The following STX3 variants were observed in gnomAD, a reference collection of about 807,000 sequenced individuals.
STX3 encodes syntaxin-3.
Under a neutral mutation model 40.2 loss-of-function variants are expected in STX3, and 19 were observed. That is an observed-to-expected ratio of 0.47 (90% CI 0.33 to 0.69). The LOEUF is 0.69. Among genes scored for constraint, STX3 ranks in the 30% least tolerant of loss-of-function variants. STX3 has a pLI of 0.02. For missense variants in STX3, 364 were observed against 366.7 expected (o/e 0.99, Z 0.06); for synonymous variants, 122 against 132.2 (o/e 0.92, Z 0.53).
At chr11:59,797,458 G>A in intron 10 of STX3, 62 bp downstream of exon 10, 1 of 1,267,908 alleles carries the variant, frequency 7.9e-7, no homozygotes, top group Non-Finnish European at 1.1e-6. Context: ...AATTAGCTTG[G>A]GATTTCAAAT....
At position 59,755,565 on chromosome 11, in the gene STX3, C is replaced by T. The variant is rs754862348; in HGVS notation, c.-41C>T. ...GAAGCGCTCACCTGGGACGCGCTCA[C>T]CTGGGACGCGCTACCTGCCTCCGGG... On this transcript the variant is annotated 5_prime_UTR_variant, in exon 1 of 11. Transcript: ENST00000337979. 6.3e-7 allele frequency: 1 copy of T among 1,592,120 alleles called. No individual in the cohort carries two copies. Among genetic ancestry groups the T allele is most frequent in the South Asian group, 1.1e-5 (1 of 90,788 alleles).
chr11:59,781,100 T>TTTTTTTTTTTTTTTA (rs963410109), intron 2 of STX3, among the ~76,000 whole-genome samples: 1 of 146,308 alleles, frequency 6.8e-6, no homozygotes, highest in East Asian at 2.0e-4. Flanking sequence ...TTTTTTTTTT[T>TTTTTTTTTTTTTTTA]TATATTAGCA....
intron 1 of STX3, among the ~76,000 whole-genome samples, chr11:59,767,363 T>C (rs1337643599): frequency 6.6e-6 from 1 of 152,224 alleles, no homozygotes; most frequent in African/African-American, 2.4e-5. Flanking sequence ...TTGCAGCTAC[T>C]GTAATGTTCC....
chr11:59,789,253 CTT>C (rs112275582), intron 4 of STX3: 1,142 of 213,226 alleles, frequency 5.4e-3, no homozygotes, highest in South Asian at 0.01. Context: ...ACTTGTCTCT[CTT>C]TTTTTTTTTT....
chr11:59,797,248 A>G (rs1459178355), intron 9 of STX3, 35 bp from the exon 10 acceptor site: 3 of 1,562,728 alleles, frequency 1.9e-6, no homozygotes, highest in Admixed American at 1.7e-5. Flanking sequence ...GTTGTTTGTA[A>G]TAATGATTTG....
At chr11:59,761,709 A>G (rs1433930638) in intron 1 of STX3, among the ~76,000 whole-genome samples, 2 of 152,014 alleles carry the variant, frequency 1.3e-5, no homozygotes, top group African/African-American at 2.4e-5. Flanking sequence ...CCCAGTCTCC[A>G]TCTGGAAACT....
chr11:59,763,834 A>G (rs754617577), intron 1 of STX3, among the ~76,000 whole-genome samples: 2 of 152,334 alleles, frequency 1.3e-5, no homozygotes, highest in East Asian at 1.9e-4. Flanking sequence ...CCTGGCCAAC[A>G]TGGCGGAAAC....
chr11:59,795,568 T>G, intron 9 of STX3, 86 bp downstream of exon 9: 1 of 1,548,116 alleles, frequency 6.5e-7, no homozygotes, highest in Non-Finnish European at 8.7e-7. Context: ...CTGTCTCTGT[T>G]TCTGCTGCCA....
intron 5 of STX3, 35 bp from the exon 6 acceptor site, chr11:59,792,072 A>G (rs2135014954): frequency 3.2e-6 from 5 of 1,545,930 alleles, no homozygotes; most frequent in Non-Finnish European, 3.6e-6. Context: ...TTACAGAACC[A>G]CTGGGGCCTG....
chr11:59,798,688 T>G (rs1320816108), intron 10 of STX3, among the ~76,000 whole-genome samples: 1 of 151,656 alleles, frequency 6.6e-6, no homozygotes, highest in Non-Finnish European at 1.5e-5. Context: ...CCCGGCTAAT[T>G]TTTGTATTTT....
rs559323227 is a variant in STX3 at position 59,792,043 on chromosome 11, G to C, written c.358-64G>C. ...TATTGTAGATGGCTATGTGGGGGTG[G>C]GGAGGGGTTCTATAACAGTTACAGA... On this transcript the variant is annotated intron_variant, in intron 5 of 10. Transcript: ENST00000337979. The C allele has an allele frequency of 1.3e-5, 17 of 1,284,498 alleles. No homozygotes were observed. In the East Asian group the frequency reaches 4.0e-4, roughly 30 times the overall value. 79.6% of individuals were successfully genotyped at this position (1,284,498 alleles called of 1,614,324 possible).
intron 9 of STX3, 80 bp downstream of exon 9, chr11:59,795,562 C>T (rs764038419): frequency 1.9e-6 from 3 of 1,548,934 alleles, no homozygotes; most frequent in Non-Finnish European, 2.6e-6. Context: ...CTCTCCCTGT[C>T]TCTGTTTCTG....
Position 59,764,251 on chromosome 11 carries a change from C to G in STX3, c.30+8616C>G, listed in dbSNP as rs369803824. 2.6e-5 allele frequency among the ~76,000 whole-genome samples: 4 copies of G among 152,176 alleles called. No individual in the cohort carries two copies. The East Asian group carries it at 5.8e-4, about 22-fold the overall frequency. ...ATTAGAATTGCATCTTTGCCAGAAA[C>G]TCTTAGCAAAAACAAGGCCCAATTT... is the stretch of plus-strand genomic sequence containing the variant. On this transcript the variant is annotated intron_variant, in intron 1 of 10. Coordinates refer to ENST00000337979, the MANE Select transcript of STX3 (RefSeq NM_004177.5).
chr11:59,764,054 G>A (rs566830594), intron 1 of STX3, among the ~76,000 whole-genome samples: 3 of 152,208 alleles, frequency 2.0e-5, no homozygotes, highest in Admixed American at 6.5e-5. Flanking sequence ...TCACAAGAGC[G>A]GTAAATATCA....
chr11:59,798,041 C>A (rs978698811), intron 10 of STX3, among the ~76,000 whole-genome samples: 1 of 152,174 alleles, frequency 6.6e-6, no homozygotes, highest in Non-Finnish European at 1.5e-5. Context: ...AATAACAGGG[C>A]CAAGTTCACA....
In STX3 at chr11:59,803,137, C is replaced by T. The variant is rs1213698824; in HGVS notation, c.*2313C>T. On this transcript the variant is annotated 3_prime_UTR_variant, in exon 11 of 11. Coordinates refer to ENST00000337979, the MANE Select transcript of STX3 (RefSeq NM_004177.5). The stretch of plus-strand genomic sequence containing the variant: ...CTTCCTTCACACCCTCTTCCATGTC[C>T]ACATGCACTTATCTCCCTGCAGAAT... 5.7e-6 allele frequency: 7 copies of T among 1,230,504 alleles called. No individual in the cohort carries two copies. The highest frequency in any genetic ancestry group is 7.1e-6 in the Non-Finnish European group (7 of 987,394). The allele number at this position is 1,230,504 out of a possible 1,614,324, so 76.2% of individuals were successfully genotyped here.
chr11:59,800,221 C>T (rs1308816913), intron 10 of STX3: 29 of 985,326 alleles, frequency 2.9e-5, no homozygotes, highest in South Asian at 1.9e-4. Context: ...TCTGGACTCT[C>T]CTCTTCCTCC....
intron 1 of STX3, among the ~76,000 whole-genome samples, chr11:59,758,532 T>C (rs1031400900): frequency 2.6e-5 from 4 of 152,250 alleles, no homozygotes; most frequent in Admixed American, 6.5e-5. Context: ...TCCTCTGTCT[T>C]GGCCTGCTGG....
chr11:59,803,171 C>T lies in STX3; in HGVS notation c.*2347C>T, dbSNP rs139028304. ...TTATCTCCCTGCAGAATACTTTTTG[C>T]GATGATGTTTCTCATGTATTCTTTC... is the stretch of plus-strand genomic sequence containing the variant. On this transcript the variant is annotated 3_prime_UTR_variant, in exon 11 of 11. Transcript: ENST00000337979. 1.2e-4 allele frequency: 152 copies of T among 1,231,404 alleles called. No homozygotes were observed. The highest frequency in any genetic ancestry group is 1.2e-3 in the East Asian group (39 of 31,702). The allele number at this position is 1,231,404 out of a possible 1,614,324, so 76.3% of individuals were successfully genotyped here.
Sources: allele counts gnomAD v4.1 joint callset (sites outside exome capture counted in the v4.1 genomes callset), GRCh38; gene constraint gnomAD v4.1.1; transcripts MANE v1.5; gene names NCBI Gene and HGNC (gene_info 2026-07-23, HGNC 2026-07-21).